The following AACS variants were observed in gnomAD, a reference collection of about 807,000 sequenced individuals.
AACS encodes the protein acetoacetyl-CoA synthetase.
AACS carries 69 observed loss-of-function variants against 83.1 expected under a neutral mutation model. That is an observed-to-expected ratio of 0.83 (90% CI 0.68 to 1.01). The LOEUF (loss-of-function observed/expected upper bound fraction) is 1.01. Among genes scored for constraint, AACS ranks in the 50% least tolerant of loss-of-function variants. The pLI, the probability that AACS is intolerant of heterozygous loss-of-function variation, is 0.00. For missense variants in AACS, 866 were observed against 882.2 expected, an observed-to-expected ratio of 0.98 and a Z score of 0.23; for synonymous variants, 333 against 343.4, an observed-to-expected ratio of 0.97 and a Z score of 0.33.
At chr12:125,086,959 A>G (rs2136067445) in intron 4 of AACS, among the ~76,000 whole-genome samples, 1 of 152,146 alleles carries the variant, frequency 6.6e-6, no homozygotes, top group South Asian at 2.1e-4. Context: ...AAAGGCCTGG[A>G]GGCTGCTGAA....
intron 3 of AACS, among the ~76,000 whole-genome samples, chr12:125,081,950 A>G (rs1234087935): frequency 6.6e-6 from 1 of 151,072 alleles, no homozygotes; most frequent in African/African-American, 2.4e-5. Context: ...ATCTTGGCTC[A>G]CTGCAGCCTC....
intron 3 of AACS, among the ~76,000 whole-genome samples, chr12:125,082,642 G>A (rs1440166314): frequency 6.6e-6 from 1 of 152,164 alleles, no homozygotes. Context: ...CCAACATGGT[G>A]AAAGCCTGTC....
rs1365640556 is a variant in AACS at position 125,102,783 on chromosome 12, G to A, written c.675G>A (p.Gln225=). The change falls in exon 6 of 18, where the codon CAG becomes CAA. Residue 225 remains glutamine (Q), a synonymous_variant. Transcript: ENST00000316519. ...ACAACCACATGGAAAAGCTGCAGCA[G>A]GTGGTTAAAGGTGTGTGGCCCTTCC... The part of the protein sequence containing the change: ...KEHNHMEKLQ[Q]VVKGLPDLKK... 1.9e-6 allele frequency: 3 copies of A among 1,614,178 alleles called. No individual in the cohort carries two copies. Among genetic ancestry groups the A allele is most frequent in the South Asian group, 1.1e-5 (1 of 91,080 alleles).
At chr12:125,082,602 C>G (rs2136057850) in intron 3 of AACS, among the ~76,000 whole-genome samples, 1 of 152,150 alleles carries the variant, frequency 6.6e-6, no homozygotes, top group South Asian at 2.1e-4. Context: ...GTGGGTGGAT[C>G]ACAAGGTCAG....
chr12:125,113,719 G>A lies in AACS; in HGVS notation c.916-758G>A, dbSNP rs934761118. Among the ~76,000 whole-genome samples the A allele has an allele frequency of 1.2e-4, 18 of 152,210 alleles. No individual in the cohort carries two copies. Among genetic ancestry groups the A allele is most frequent in the African/African-American group, 4.3e-4 (18 of 41,446 alleles). On this transcript the variant is annotated intron_variant, in intron 8 of 17. Transcript: ENST00000316519. The surrounding 1 kb of genome is among the most constrained non-coding windows in gnomAD (Gnocchi z 4.8). ...TGAACAAAATGGCATTAATAAATATGTGCCGGCATCAGCAAGAAAGACGTT... is the reference window on the plus strand; with the variant it reads ...TGAACAAAATGGCATTAATAAATATATGCCGGCATCAGCAAGAAAGACGTT...
chr12:125,112,826 AAG>A (rs1340552008), intron 8 of AACS, among the ~76,000 whole-genome samples: 5 of 152,298 alleles, frequency 3.3e-5, no homozygotes, highest in African/African-American at 4.8e-5. Context: ...GCAGCAGGCA[AAG>A]AGAGAGAATG....
At chr12:125,112,012 C>T (rs368629033) in intron 8 of AACS, among the ~76,000 whole-genome samples, 9 of 152,086 alleles carry the variant, frequency 5.9e-5, no homozygotes, top group Non-Finnish European at 1.0e-4. Context: ...ACCACGTGAG[C>T]GAAGCTGTAG....
At position 125,097,708 on chromosome 12, in the gene AACS, C is replaced by T. The variant is rs115346715; in HGVS notation, c.571-4971C>T. 5.2e-3 allele frequency among the ~76,000 whole-genome samples: 788 copies of T among 152,276 alleles called. 9 individuals are homozygous for T. Among genetic ancestry groups the T allele is most frequent in the African/African-American group, 0.018 (730 of 41,550 alleles). Reference sequence around the variant, plus strand: ...CTTCCCCCTGTCCAGTCAGCACTGGCGGGGCTGCCAGAAGTTCTCAAGACT... The same window carrying T: ...CTTCCCCCTGTCCAGTCAGCACTGGTGGGGCTGCCAGAAGTTCTCAAGACT... On this transcript the variant is annotated intron_variant, in intron 5 of 17. Coordinates refer to ENST00000316519, the MANE Select transcript of AACS (RefSeq NM_023928.5). This position sits in a 1 kb window ranked among gnomAD's most constrained non-coding sequence, Gnocchi z 4.3.
intron 9 of AACS, chr12:125,117,718 G>A (rs555908746): frequency 2.6e-5 from 4 of 152,368 alleles, no homozygotes; most frequent in African/African-American, 9.6e-5. Flanking sequence ...AGGTGTGATG[G>A]CTTATGCCTG....
chr12:125,116,605 A>G (rs1217624968), intron 9 of AACS, among the ~76,000 whole-genome samples: 1 of 152,056 alleles, frequency 6.6e-6, no homozygotes, highest in Admixed American at 6.6e-5. Flanking sequence ...CTGGGACTAC[A>G]GGCGCCCGCC....
chr12:125,066,504 C>T (rs2136021389), intron 1 of AACS, among the ~76,000 whole-genome samples: 1 of 143,922 alleles, frequency 6.9e-6, no homozygotes, highest in East Asian at 2.1e-4. Flanking sequence ...GGCTGGAGTG[C>T]AATGGCGAGA....
At position 125,119,287 on chromosome 12, in the gene AACS, A is replaced by G. The variant is rs376831950; in HGVS notation, c.1121+522A>G. On this transcript the variant is annotated intron_variant, in intron 10 of 17. Transcript: ENST00000316519. ...TACGGCGTTGTCAGCTGCAGTCATCATACTGTGCATTCATCTTATTTCTCT... is the reference window on the plus strand; with the variant it reads ...TACGGCGTTGTCAGCTGCAGTCATCGTACTGTGCATTCATCTTATTTCTCT... 2.1e-4 allele frequency among the ~76,000 whole-genome samples: 32 copies of G among 152,186 alleles called. 1 individual carries two copies. Among genetic ancestry groups the G allele is most frequent in the African/African-American group, 6.8e-4 (28 of 41,438 alleles).
chr12:125,096,474 C>G (rs1268832509), intron 5 of AACS, among the ~76,000 whole-genome samples: 2 of 152,242 alleles, frequency 1.3e-5, no homozygotes, highest in African/African-American at 4.8e-5. Context: ...CAGCCAAGGT[C>G]TGGACAGGCC....
At chr12:125,135,622 A>T (rs1169622399) in intron 16 of AACS, among the ~76,000 whole-genome samples, 1 of 152,200 alleles carries the variant, frequency 6.6e-6, no homozygotes, top group Non-Finnish European at 1.5e-5. Context: ...GCTAGTGCTT[A>T]GGTCAGAGTC....
At chr12:125,102,966 G>A (rs1310731637) in intron 6 of AACS, 34 bp from the exon 7 acceptor site, 3 of 1,576,876 alleles carry the variant, frequency 1.9e-6, no homozygotes, top group Non-Finnish European at 2.6e-6. Context: ...TCTTTGTCCT[G>A]TAACCTTGTG....
intron 10 of AACS, among the ~76,000 whole-genome samples, chr12:125,119,399 AT>A (rs1957115000): frequency 6.6e-6 from 1 of 152,196 alleles, no homozygotes; most frequent in Admixed American, 6.5e-5. Context: ...CAGGAGTGAG[AT>A]TGTATTCATC....
intron 14 of AACS, among the ~76,000 whole-genome samples, chr12:125,133,208 C>T (rs1274427808): frequency 6.6e-6 from 1 of 152,186 alleles, no homozygotes; most frequent in Non-Finnish European, 1.5e-5. Flanking sequence ...TGGTTAACTG[C>T]TCCCTTGGTG....
intron 5 of AACS, among the ~76,000 whole-genome samples, chr12:125,099,574 T>A (rs1462081624): frequency 6.6e-6 from 1 of 152,218 alleles, no homozygotes; most frequent in Non-Finnish European, 1.5e-5. Context: ...GCCACCCATG[T>A]CCAAGGTCAT....
intron 10 of AACS, chr12:125,120,529 G>A (rs561193532): frequency 1.3e-5 from 2 of 152,282 alleles, no homozygotes; most frequent in Admixed American, 1.3e-4. Flanking sequence ...CCAGCAAAAG[G>A]TTAATCAAAT....
Sources: gnomAD v4.1 joint callset for allele counts (sites outside exome capture counted in the v4.1 genomes callset) on GRCh38, gnomAD v4.1.1 for gene constraint, Gnocchi (gnomAD v3.1) non-coding constraint, MANE v1.5 for transcripts, NCBI Gene and HGNC (gene_info 2026-07-23, HGNC 2026-07-21) for gene names.